The following PDE1A variants were observed in gnomAD, a reference collection of about 807,000 sequenced individuals.
The protein encoded by PDE1A is phosphodiesterase 1A.
A neutral mutation model predicts 61.7 loss-of-function variants in PDE1A; 35 were observed. The observed-to-expected ratio is 0.57, with a 90% CI of 0.43 to 0.75. The LOEUF (loss-of-function observed/expected upper bound fraction) is 0.75. Ranked by LOEUF, PDE1A falls within the 30% of genes least tolerant of loss-of-function variation. PDE1A has a pLI of 0.00. For synonymous variants in PDE1A, 232 were observed against 213.2 expected, an observed-to-expected ratio of 1.09 and a Z score of -0.77; for missense variants, 597 against 630.6, an observed-to-expected ratio of 0.95 and a Z score of 0.57.
chr2:182,327,266 C>T (rs1456961869), intron 1 of PDE1A, among the ~76,000 whole-genome samples: 3 of 151,906 alleles, frequency 2.0e-5, no homozygotes, highest in Admixed American at 6.6e-5. Flanking sequence ...AGGAGCAAGT[C>T]GAAGTGTATT....
chr2:182,365,491 T>C (rs1375050815), intron 1 of PDE1A, among the ~76,000 whole-genome samples: 3 of 152,038 alleles, frequency 2.0e-5, no homozygotes, highest in Non-Finnish European at 4.4e-5. Flanking sequence ...CAGATTAAAC[T>C]AAGTCAACTT....
At chr2:182,400,227 T>G (rs982359823) in intron 1 of PDE1A, among the ~76,000 whole-genome samples, 2 of 152,196 alleles carry the variant, frequency 1.3e-5, no homozygotes, top group African/African-American at 4.8e-5. Context: ...GAAGGTTCCA[T>G]GTACTTGACA....
chr2:182,564,747 C>T, the PDE1A span, among the ~76,000 whole-genome samples: 14 of 152,246 alleles, frequency 9.2e-5, no homozygotes, highest in Admixed American at 6.5e-4. Flanking sequence ...AGGCTTTGTT[C>T]GTTTCTTTTT....
chr2:182,552,461 T>C, the PDE1A span, among the ~76,000 whole-genome samples: 1 of 138,738 alleles, frequency 7.2e-6, no homozygotes, highest in South Asian at 2.4e-4. Flanking sequence ...TTTTTTTTTT[T>C]TGAAACAGAG....
intron 1 of PDE1A, among the ~76,000 whole-genome samples, chr2:182,360,892 T>C (rs974793055): frequency 6.6e-6 from 1 of 152,080 alleles, no homozygotes; most frequent in Non-Finnish European, 1.5e-5. Context: ...TTATGTCTAT[T>C]GGACAAATCA....
intron 2 of PDE1A, among the ~76,000 whole-genome samples, chr2:182,250,028 T>G (rs1363878467): frequency 6.6e-6 from 1 of 152,196 alleles, no homozygotes; most frequent in African/African-American, 2.4e-5. Context: ...ATGTCACATT[T>G]TTTGGTCATG....
the PDE1A span, among the ~76,000 whole-genome samples, chr2:182,689,165 G>A: frequency 1.3e-5 from 2 of 152,164 alleles, no homozygotes; most frequent in African/African-American, 4.8e-5. Context: ...ACTCAGGTCT[G>A]CACCAAGCAG....
chr2:182,576,056 T>TA, the PDE1A span, among the ~76,000 whole-genome samples: 13 of 151,340 alleles, frequency 8.6e-5, no homozygotes, highest in African/African-American at 2.4e-5. Flanking sequence ...AAAATTGTGA[T>TA]AAAATGCATA....
intron 2 of PDE1A, among the ~76,000 whole-genome samples, chr2:182,509,962 C>A (rs1689680871): frequency 1.3e-5 from 2 of 152,056 alleles, no homozygotes; most frequent in Admixed American, 6.5e-5. Context: ...CATACTTATG[C>A]AGAGTTTAGT....
the PDE1A span, among the ~76,000 whole-genome samples, chr2:182,635,898 T>C: frequency 6.6e-6 from 1 of 151,688 alleles, no homozygotes; most frequent in East Asian, 1.9e-4. Context: ...CTCTGAGTCC[T>C]TATTTTTCTT....
chr2:182,487,903 T>C (rs907799098), intron 2 of PDE1A, among the ~76,000 whole-genome samples: 7 of 152,302 alleles, frequency 4.6e-5, no homozygotes, highest in African/African-American at 1.4e-4. Flanking sequence ...GAAAGACTCA[T>C]GCATAATATG....
At chr2:182,271,491 G>T (rs938608357) in intron 1 of PDE1A, among the ~76,000 whole-genome samples, 1 of 152,002 alleles carries the variant, frequency 6.6e-6, no homozygotes, top group Non-Finnish European at 1.5e-5. Context: ...ACTTCAAGAG[G>T]TATTAACTTT....
At chr2:182,595,976 A>G in the PDE1A span, among the ~76,000 whole-genome samples, 1 of 152,206 alleles carries the variant, frequency 6.6e-6, no homozygotes, top group Non-Finnish European at 1.5e-5. Context: ...GGGTTGAGGC[A>G]GCAGCACTTT....
the PDE1A span, among the ~76,000 whole-genome samples, chr2:182,539,511 T>C: frequency 3.7e-4 from 56 of 152,318 alleles, no homozygotes; most frequent in Non-Finnish European, 7.1e-4. Context: ...TTCAAAGCAA[T>C]TGAATAAAAA....
At chr2:182,589,334 C>A in the PDE1A span, among the ~76,000 whole-genome samples, 2 of 149,288 alleles carry the variant, frequency 1.3e-5, no homozygotes, top group Admixed American at 1.3e-4. Flanking sequence ...TGATGTAATT[C>A]ATAGAAGCTA....
At position 182,220,064 on chromosome 2, in the gene PDE1A, T is replaced by G. The variant is rs577091790; in HGVS notation, c.776+3800A>C. Among the ~76,000 whole-genome samples, 516 of 152,146 alleles carry G rather than the reference T, an allele frequency of 3.4e-3. 2 individuals carry two copies. Among genetic ancestry groups the G allele is most frequent in the African/African-American group, 0.012 (502 of 41,546 alleles). ...ATGATAAATGACCTACCAGGCACTATTACTTTCTTTTTTTTTCTAGCACTA... is the reference window on the plus strand; with the variant it reads ...ATGATAAATGACCTACCAGGCACTAGTACTTTCTTTTTTTTTCTAGCACTA... On this transcript the variant is annotated intron_variant, in intron 7 of 13. Coordinates refer to ENST00000351439, the Ensembl canonical transcript of PDE1A.
At chr2:182,268,126 T>C (rs543073156) in intron 1 of PDE1A, among the ~76,000 whole-genome samples, 1 of 152,220 alleles carries the variant, frequency 6.6e-6, no homozygotes, top group Non-Finnish European at 1.5e-5. Flanking sequence ...CATAGATAAG[T>C]TGTTCTGGTT....
intron 2 of PDE1A, among the ~76,000 whole-genome samples, chr2:182,437,745 G>A (rs1684530801): frequency 6.6e-6 from 1 of 151,894 alleles, no homozygotes; most frequent in African/African-American, 2.4e-5. Flanking sequence ...CATCTAATAT[G>A]ATTCACTTTG....
chr2:182,380,329 G>T (rs1226491460), intron 1 of PDE1A, among the ~76,000 whole-genome samples: 1 of 151,716 alleles, frequency 6.6e-6, no homozygotes, highest in Non-Finnish European at 1.5e-5. Flanking sequence ...AGTCAGGATG[G>T]TCTCGATCTC....
Sources: gnomAD v4.1 joint callset for allele counts (sites outside exome capture counted in the v4.1 genomes callset) on GRCh38, gnomAD v4.1.1 for gene constraint, MANE v1.5 for transcripts, NCBI Gene and HGNC (gene_info 2026-07-23, HGNC 2026-07-21) for gene names.